L2HGDH: variants seen among roughly 807,000 people sequenced by gnomAD.
The protein encoded by L2HGDH is L-2-hydroxyglutarate dehydrogenase.
Under a neutral mutation model 51.5 loss-of-function variants are expected in L2HGDH, and 34 were observed. The observed-to-expected ratio is 0.66, with a 90% CI of 0.50 to 0.88. L2HGDH has a LOEUF of 0.88. Ranked by LOEUF, L2HGDH falls within the 40% of genes least tolerant of loss-of-function variation. L2HGDH has a pLI of 0.00. For synonymous variants in L2HGDH, 198 were observed against 197.9 expected (o/e 1.00, Z -0.01); for missense variants, 558 against 571.9 (o/e 0.98, Z 0.25).
intron 1 of L2HGDH, among the ~76,000 whole-genome samples, chr14:50,310,432 C>T (rs1313289196): frequency 1.3e-5 from 2 of 152,084 alleles, no homozygotes; most frequent in Non-Finnish European, 1.5e-5. Flanking sequence ...ATAGGCCAGG[C>T]ACGGTGGCTC....
chr14:50,268,034 C>G (rs1325291069), intron 7 of L2HGDH, 124 bp from the exon 8 acceptor site: 1 of 927,130 alleles, frequency 1.1e-6, no homozygotes, highest in South Asian at 1.4e-5. Context: ...GTGAGCTGTA[C>G]TCAGATATAC....
chr14:50,276,779 C>T (rs1890002223), intron 6 of L2HGDH, among the ~76,000 whole-genome samples: 1 of 152,170 alleles, frequency 6.6e-6, no homozygotes, highest in Non-Finnish European at 1.5e-5. Context: ...CCAGTTTGTG[C>T]TATTTTGTTA....
chr14:50,267,275 C>T (rs552393330), intron 8 of L2HGDH, among the ~76,000 whole-genome samples: 78 of 151,800 alleles, frequency 5.1e-4, no homozygotes, highest in Non-Finnish European at 9.7e-4. Flanking sequence ...CTCTGCCTCC[C>T]GGGTTCATGC....
At chr14:50,264,185 G>A (rs931925284) in intron 9 of L2HGDH, among the ~76,000 whole-genome samples, 10 of 151,062 alleles carry the variant, frequency 6.6e-5, no homozygotes, top group East Asian at 6.1e-4. Flanking sequence ...TTTGAGACCC[G>A]CCTGGCTAAC....
At chr14:50,309,762 A>C (rs1460518468) in intron 1 of L2HGDH, among the ~76,000 whole-genome samples, 4 of 150,324 alleles carry the variant, frequency 2.7e-5, no homozygotes, top group Non-Finnish European at 5.9e-5. Flanking sequence ...AGGTCACCAC[A>C]CCTTCAACCT....
intron 5 of L2HGDH, among the ~76,000 whole-genome samples, chr14:50,280,164 G>GC (rs796333289): frequency 1.3e-5 from 2 of 150,274 alleles, no homozygotes; most frequent in East Asian, 1.9e-4. Flanking sequence ...ATGGGTCACT[G>GC]CTTTTTTTTT....
Position 50,244,185 on chromosome 14 carries a change from T to A in L2HGDH, c.*2873A>T, listed in dbSNP as rs1014608269. 1.3e-5 allele frequency: 2 copies of A among 155,442 alleles called. No individual in the cohort carries two copies. The highest frequency in any genetic ancestry group is 4.8e-5 in the African/African-American group (2 of 41,404). The allele number at this position is 155,442 out of a possible 1,614,324, so 9.6% of individuals were successfully genotyped here. On this transcript the variant is annotated 3_prime_UTR_variant, in exon 10 of 10. Coordinates refer to ENST00000267436, the MANE Select transcript of L2HGDH (RefSeq NM_024884.3). ...TATAGCAGCATGATTTATAGTCCCT[T>A]GGGTATATACCCAGTAATGGGATGG... is the stretch of plus-strand genomic sequence containing the variant.
At chr14:50,273,617 A>G (rs1566517802) in intron 6 of L2HGDH, among the ~76,000 whole-genome samples, 1 of 152,174 alleles carries the variant, frequency 6.6e-6, no homozygotes, top group African/African-American at 2.4e-5. Context: ...AAGTGGGACT[A>G]TATCAAACTA....
In L2HGDH at chr14:50,245,952, T is replaced by C; in HGVS notation, c.*1106A>G. 3.2e-6 allele frequency: 1 copy of C among 309,354 alleles called. No homozygotes were observed. The highest frequency in any genetic ancestry group is 1.2e-4 in the South Asian group (1 of 8,124). The allele number at this position is 309,354 out of a possible 1,614,324, so 19.2% of individuals were successfully genotyped here. A position where few individuals can be genotyped will look rare whatever the true frequency, so the allele number is the denominator to read the frequency against. On this transcript the variant is annotated 3_prime_UTR_variant, in exon 10 of 10. Transcript: ENST00000267436. ...GCCTGGCCAACATGGCAAAACCCCG[T>C]CTCTACTAAAAATACAAAAAATTAG... is the stretch of plus-strand genomic sequence containing the variant.
intron 6 of L2HGDH, among the ~76,000 whole-genome samples, chr14:50,277,207 GT>G (rs35766836): frequency 8.3e-5 from 12 of 144,006 alleles, no homozygotes; most frequent in Admixed American, 1.4e-4. Flanking sequence ...TTTTTTTTTT[GT>G]TTTTTTTTTT....
chr14:50,260,612 C>G (rs544279713), intron 9 of L2HGDH, among the ~76,000 whole-genome samples: 1 of 152,234 alleles, frequency 6.6e-6, no homozygotes, highest in South Asian at 2.1e-4. Flanking sequence ...CCCTTACTTT[C>G]CCTTACTCTC....
At position 50,244,927 on chromosome 14, in the gene L2HGDH, G is replaced by T; in HGVS notation, c.*2131C>A. ...GGATGAAAATGCCTCACCTAAATGT[G>T]GTTCAGTACTCAAAGTTCTGCAGTC... On this transcript the variant is annotated 3_prime_UTR_variant, in exon 10 of 10. Transcript: ENST00000267436. 1 of 985,320 alleles carries T rather than the reference G, an allele frequency of 1.0e-6. No individual in the cohort carries two copies. Among genetic ancestry groups the T allele is most frequent in the Non-Finnish European group, 1.2e-6 (1 of 829,914 alleles). The allele number at this position is 985,320 out of a possible 1,614,324, so 61.0% of individuals were successfully genotyped here. A position where few individuals can be genotyped will look rare whatever the true frequency, so the allele number is the denominator to read the frequency against.
chr14:50,244,599 C>G lies in L2HGDH; in HGVS notation c.*2459G>C. 1.0e-6 allele frequency: 1 copy of G among 985,366 alleles called. No homozygotes were observed. Among genetic ancestry groups the G allele is most frequent in the Non-Finnish European group, 1.2e-6 (1 of 829,922 alleles). 61.0% of individuals were successfully genotyped at this position (985,366 alleles called of 1,614,324 possible). ...GGCTTGTTTCTTCTGTCATTGATAT[C>G]TGAATGCTTTTAATATACTCATCCT... On this transcript the variant is annotated 3_prime_UTR_variant, in exon 10 of 10. Transcript: ENST00000267436.
At chr14:50,251,627 A>C (rs1163742289) in intron 9 of L2HGDH, among the ~76,000 whole-genome samples, 3 of 152,126 alleles carry the variant, frequency 2.0e-5, no homozygotes, top group African/African-American at 7.2e-5. Context: ...AGCAGCAAGA[A>C]AAAAGAAACA....
chr14:50,262,145 T>C (rs1012917061), intron 9 of L2HGDH, among the ~76,000 whole-genome samples: 18 of 152,230 alleles, frequency 1.2e-4, no homozygotes, highest in African/African-American at 4.3e-4. Context: ...AAAAGTCTAT[T>C]GATCTTGGCC....
chr14:50,265,271 T>C, intron 9 of L2HGDH, 87 bp downstream of exon 9: 1 of 1,132,454 alleles, frequency 8.8e-7, no homozygotes, highest in Non-Finnish European at 1.3e-6. Context: ...GACTCTGAAA[T>C]GGTACTTACT....
At chr14:50,302,263 C>T in intron 2 of L2HGDH, 95 bp from the exon 3 acceptor site, 1 of 1,298,254 alleles carries the variant, frequency 7.7e-7, no homozygotes, top group Non-Finnish European at 1.1e-6. Flanking sequence ...CTATTAGAGA[C>T]CACATCATGT....
chr14:50,243,452 CTAAAAAA>C lies in L2HGDH; in HGVS notation c.*3599_*3605del. 1 of 857,782 alleles carries C rather than the reference CTAAAAAA, an allele frequency of 1.2e-6. No homozygotes were observed. Among genetic ancestry groups the C allele is most frequent in the African/African-American group, 1.8e-5 (1 of 54,622 alleles). The allele number at this position is 857,782 out of a possible 1,614,324, so 53.1% of individuals were successfully genotyped here. ...TATTTGCATAAAAGTTTTTATGGAA[CTAAAAAA>C]TATGTTCTCTACAACACCAAGGCTC... On this transcript the variant is annotated 3_prime_UTR_variant, in exon 10 of 10. Transcript: ENST00000267436.
chr14:50,293,181 T>G (rs1307672701), intron 4 of L2HGDH: 4 of 700,186 alleles, frequency 5.7e-6, no homozygotes, highest in Non-Finnish European at 2.6e-6. Context: ...CAGAATGGAG[T>G]CCAGACATAG....
Sources: gnomAD v4.1 joint callset for allele counts (sites outside exome capture counted in the v4.1 genomes callset) on GRCh38, gnomAD v4.1.1 for gene constraint, MANE v1.5 for transcripts, NCBI Gene and HGNC (gene_info 2026-07-23, HGNC 2026-07-21) for gene names.